NEGR1: variants seen among roughly 807,000 people sequenced by gnomAD.
NEGR1 encodes neuronal growth regulator 1, also known as IgLON family member 4.
NEGR1 carries 10 observed loss-of-function variants against 40.9 expected under a neutral mutation model. The observed-to-expected ratio is 0.24, with a 90% CI of 0.15 to 0.42. The LOEUF is 0.42. Ranked by LOEUF, NEGR1 falls within the 10% of genes least tolerant of loss-of-function variation. The pLI, the probability that NEGR1 is intolerant of heterozygous loss-of-function variation, is 1.00. For synonymous variants in NEGR1, 185 were observed against 166.8 expected, an observed-to-expected ratio of 1.11 and a Z score of -0.84; for missense variants, 352 against 438.9, an observed-to-expected ratio of 0.80 and a Z score of 1.77.
chr1:72,115,609 G>C (rs1649551341), intron 1 of NEGR1, among the ~76,000 whole-genome samples: 1 of 151,650 alleles, frequency 6.6e-6, no homozygotes, highest in South Asian at 2.1e-4. Flanking sequence ...TCTGAAATGG[G>C]AGCTATACCT....
At chr1:72,198,309 C>A (rs1460474287) in intron 1 of NEGR1, among the ~76,000 whole-genome samples, 2 of 151,962 alleles carry the variant, frequency 1.3e-5, no homozygotes, top group African/African-American at 4.8e-5. Flanking sequence ...TTTTCCAGTT[C>A]TCTTTCCTAT....
chr1:71,593,773 G>T (rs1649586022), intron 5 of NEGR1, among the ~76,000 whole-genome samples: 1 of 152,070 alleles, frequency 6.6e-6, no homozygotes, highest in Admixed American at 6.6e-5. Flanking sequence ...TAAATCTGTA[G>T]CCTATCTCTT....
intron 1 of NEGR1, among the ~76,000 whole-genome samples, chr1:72,199,507 T>C (rs1353215553): frequency 1.3e-5 from 2 of 151,976 alleles, no homozygotes; most frequent in East Asian, 3.9e-4. Flanking sequence ...AGGTTTCCTA[T>C]CCCATTTAAC....
intron 2 of NEGR1, among the ~76,000 whole-genome samples, chr1:71,867,613 T>C (rs982271392): frequency 6.6e-6 from 1 of 152,168 alleles, no homozygotes; most frequent in Non-Finnish European, 1.5e-5. Context: ...CTGTTATGAT[T>C]AGAATTGCCG....
At chr1:72,082,145 T>G (rs1156856628) in intron 1 of NEGR1, among the ~76,000 whole-genome samples, 1 of 152,124 alleles carries the variant, frequency 6.6e-6, no homozygotes, top group African/African-American at 2.4e-5. Flanking sequence ...AATGAGTTTC[T>G]ATTTGTCTTC....
At chr1:71,436,307 C>T (rs563564685) in intron 6 of NEGR1, among the ~76,000 whole-genome samples, 1 of 151,398 alleles carries the variant, frequency 6.6e-6, no homozygotes, top group Non-Finnish European at 1.5e-5. Flanking sequence ...AGATATCATA[C>T]CAGAAGAATT....
At chr1:72,085,135 A>G (rs1648163735) in intron 1 of NEGR1, among the ~76,000 whole-genome samples, 1 of 152,230 alleles carries the variant, frequency 6.6e-6, no homozygotes, top group South Asian at 2.1e-4. Flanking sequence ...TATTTTGTAT[A>G]AGCAGGACTG....
At chr1:71,558,178 T>C (rs1255080312) in intron 6 of NEGR1, among the ~76,000 whole-genome samples, 1 of 151,580 alleles carries the variant, frequency 6.6e-6, no homozygotes, top group African/African-American at 2.4e-5. Context: ...TATTTTTCTT[T>C]TTCCATACTC....
At chr1:71,466,551 G>A (rs910020364) in intron 6 of NEGR1, among the ~76,000 whole-genome samples, 1 of 152,040 alleles carries the variant, frequency 6.6e-6, no homozygotes, top group Non-Finnish European at 1.5e-5. Context: ...GAGAGTACTG[G>A]GAAGTGCAGC....
At chr1:72,113,446 T>C (rs12064040) in intron 1 of NEGR1, among the ~76,000 whole-genome samples, 36 of 148,364 alleles carry the variant, frequency 2.4e-4, no homozygotes, top group African/African-American at 8.4e-4. Context: ...AAAAAAAAAA[T>C]ATGTGTTTAG....
At chr1:71,681,891 A>G (rs1652850178) in intron 4 of NEGR1, among the ~76,000 whole-genome samples, 1 of 152,048 alleles carries the variant, frequency 6.6e-6, no homozygotes, top group Admixed American at 6.5e-5. Context: ...CAGTGGTGTG[A>G]TCTCAGCTCA....
At chr1:72,212,569 CT>C (rs1653650038) in intron 1 of NEGR1, among the ~76,000 whole-genome samples, 1 of 151,934 alleles carries the variant, frequency 6.6e-6, no homozygotes, top group Non-Finnish European at 1.5e-5. Context: ...TTATATTCAC[CT>C]TTAGATGTCA....
At chr1:71,757,397 T>C (rs923090234) in intron 3 of NEGR1, among the ~76,000 whole-genome samples, 2 of 152,108 alleles carry the variant, frequency 1.3e-5, no homozygotes, top group African/African-American at 2.4e-5. Flanking sequence ...CTTGGCACCA[T>C]CATTAACAGC....
intron 4 of NEGR1, among the ~76,000 whole-genome samples, chr1:71,680,515 C>T (rs968326021): frequency 4.6e-5 from 7 of 152,240 alleles, no homozygotes; most frequent in Non-Finnish European, 7.4e-5. Flanking sequence ...ATTAGACTAA[C>T]ATCCTCAGAA....
chr1:71,679,230 C>T (rs1221785622), intron 4 of NEGR1, among the ~76,000 whole-genome samples: 4 of 152,032 alleles, frequency 2.6e-5, no homozygotes, highest in African/African-American at 9.7e-5. Context: ...CGAATTCTTG[C>T]TTTTTCATGT....
chr1:71,711,607 T>C (rs200235660), intron 3 of NEGR1, among the ~76,000 whole-genome samples: 4 of 152,042 alleles, frequency 2.6e-5, no homozygotes, highest in African/African-American at 9.7e-5. Context: ...TTCATAAAAC[T>C]GAACATTCAT....
chr1:71,910,503 T>C (rs948664289), intron 2 of NEGR1, among the ~76,000 whole-genome samples: 2 of 152,198 alleles, frequency 1.3e-5, no homozygotes, highest in Non-Finnish European at 2.9e-5. Context: ...CTGATGCTGC[T>C]AGAGTGTAAA....
At chr1:72,193,741 T>C (rs1652904119) in intron 1 of NEGR1, among the ~76,000 whole-genome samples, 1 of 151,508 alleles carries the variant, frequency 6.6e-6, no homozygotes, top group Non-Finnish European at 1.5e-5. Flanking sequence ...TCTGTAGGCA[T>C]TACATGTATA....
chr1:71,745,597 C>G (rs952463264), intron 3 of NEGR1, among the ~76,000 whole-genome samples: 5 of 152,086 alleles, frequency 3.3e-5, no homozygotes, highest in African/African-American at 1.2e-4. Flanking sequence ...ATCTACCACC[C>G]CAGTTTCTGG....
Sources: allele counts gnomAD v4.1 joint callset (sites outside exome capture counted in the v4.1 genomes callset), GRCh38; gene constraint gnomAD v4.1.1; transcripts MANE v1.5; gene names NCBI Gene and HGNC (gene_info 2026-07-23, HGNC 2026-07-21).